The following FAM168A variants were observed in gnomAD, a reference collection of about 807,000 sequenced individuals.
FAM168A encodes the protein protein FAM168A.
A neutral mutation model predicts 28.5 loss-of-function variants in FAM168A; 3 were observed. The ratio of observed to expected loss-of-function variants is 0.11; its 90% confidence interval spans 0.05 to 0.27. The LOEUF (loss-of-function observed/expected upper bound fraction) is 0.27, where lower values mean the gene tolerates loss of function less well. Among genes scored for constraint, FAM168A ranks in the 10% least tolerant of loss-of-function variants. The pLI is 1.00. For synonymous variants in FAM168A, 122 were observed against 124.2 expected, an observed-to-expected ratio of 0.98 and a Z score of 0.12; for missense variants, 222 against 311.5, an observed-to-expected ratio of 0.71 and a Z score of 2.16.
At chr11:73,408,071 A>G (rs550715226) in intron 6 of FAM168A, among the ~76,000 whole-genome samples, 14 of 152,210 alleles carry the variant, frequency 9.2e-5, no homozygotes, top group Admixed American at 1.3e-4. Flanking sequence ...GGGTTTCACC[A>G]TGTTGGCCAG....
At chr11:73,483,830 GT>G (rs754549154) in intron 1 of FAM168A, among the ~76,000 whole-genome samples, 34 of 152,206 alleles carry the variant, frequency 2.2e-4, no homozygotes, top group Non-Finnish European at 4.3e-4. Flanking sequence ...GGAGATGATG[GT>G]TGCTGTGAAC....
At chr11:73,526,845 A>T (rs1267025901) in intron 1 of FAM168A, among the ~76,000 whole-genome samples, 1 of 133,090 alleles carries the variant, frequency 7.5e-6, no homozygotes, top group Non-Finnish European at 1.6e-5. Context: ...ACTCCAGCCT[A>T]GCGACAGAGC....
At chr11:73,494,151 T>G (rs1009162791) in intron 1 of FAM168A, among the ~76,000 whole-genome samples, 8 of 152,120 alleles carry the variant, frequency 5.3e-5, no homozygotes, top group African/African-American at 1.9e-4. Flanking sequence ...TACATGTACA[T>G]GTATGATTAA....
intron 2 of FAM168A, among the ~76,000 whole-genome samples, chr11:73,451,381 G>A (rs563092595): frequency 2.4e-4 from 36 of 152,302 alleles, no homozygotes; most frequent in South Asian, 1.7e-3. Context: ...AAAAGGCTTC[G>A]TTATTAGAGG....
chr11:73,408,451 T>G (rs1866548165), intron 6 of FAM168A, among the ~76,000 whole-genome samples: 1 of 152,166 alleles, frequency 6.6e-6, no homozygotes, highest in African/African-American at 2.4e-5. Flanking sequence ...TTGTACTTTC[T>G]TACCTCAGAT....
rs557925589 is a variant in FAM168A at position 73,448,007 on chromosome 11, T to C, written c.71-17237A>G. Among the ~76,000 whole-genome samples, 11 of 152,322 alleles carry C rather than the reference T, an allele frequency of 7.2e-5. No homozygotes were observed. The South Asian group carries it at 2.1e-3, about 29-fold the overall frequency. ...AGAGTTGAGATGATAATGCTAATAA[T>C]AAAATCCAGTATTATTACTTATGTG... On this transcript the variant is annotated intron_variant, in intron 2 of 7. Coordinates refer to ENST00000356467, the MANE Select transcript of FAM168A (RefSeq NM_015159.3).
At chr11:73,423,240 G>GTC (rs1317797476) in intron 3 of FAM168A, among the ~76,000 whole-genome samples, 3 of 152,038 alleles carry the variant, frequency 2.0e-5, no homozygotes, top group Non-Finnish European at 4.4e-5. Flanking sequence ...AGCTCTCATC[G>GTC]TCTCTCATCT....
chr11:73,508,836 T>G (rs1855165476), intron 1 of FAM168A, among the ~76,000 whole-genome samples: 1 of 152,304 alleles, frequency 6.6e-6, no homozygotes, highest in Admixed American at 6.5e-5. Context: ...CAGTGTAATA[T>G]GATCACCAAT....
At chr11:73,546,263 G>C (rs1031961265) in intron 1 of FAM168A, among the ~76,000 whole-genome samples, 2 of 152,212 alleles carry the variant, frequency 1.3e-5, no homozygotes, top group African/African-American at 4.8e-5. Flanking sequence ...AAGGGGCTAA[G>C]TCTGATTCCC....
intron 2 of FAM168A, among the ~76,000 whole-genome samples, chr11:73,454,860 C>G (rs1867499880): frequency 6.6e-6 from 1 of 152,192 alleles, no homozygotes; most frequent in South Asian, 2.1e-4. Context: ...CACTGAGAGC[C>G]ACTTTCATCG....
chr11:73,592,069 G>A (rs1944389217), intron 1 of FAM168A, among the ~76,000 whole-genome samples: 2 of 152,190 alleles, frequency 1.3e-5, no homozygotes, highest in African/African-American at 2.4e-5. Context: ...AAGCTTGAGC[G>A]ACATGATCAG....
At chr11:73,518,624 G>A (rs1038456860) in intron 1 of FAM168A, among the ~76,000 whole-genome samples, 5 of 152,038 alleles carry the variant, frequency 3.3e-5, no homozygotes, top group African/African-American at 4.8e-5. Context: ...TGGGCCAGGT[G>A]CAGTGGCTCA....
chr11:73,550,819 G>T (rs1038489526), intron 1 of FAM168A, among the ~76,000 whole-genome samples: 1 of 151,924 alleles, frequency 6.6e-6, no homozygotes. Flanking sequence ...AAAAAAAAAG[G>T]AGAATTTGGC....
intron 1 of FAM168A, among the ~76,000 whole-genome samples, chr11:73,587,166 A>AAAC (rs1944323480): frequency 6.7e-6 from 1 of 149,734 alleles, no homozygotes; most frequent in African/African-American, 2.4e-5. Flanking sequence ...AAAAAAAAAA[A>AAAC]AAAAAAAAAA....
At chr11:73,468,326 G>A (rs1484811977) in intron 2 of FAM168A, 79 bp downstream of exon 2, 9 of 1,367,700 alleles carry the variant, frequency 6.6e-6, no homozygotes, top group Middle Eastern at 1.9e-4. Flanking sequence ...GGAGGTATAC[G>A]TTAGGAGGAG....
At chr11:73,529,137 G>A (rs777989269) in intron 1 of FAM168A, among the ~76,000 whole-genome samples, 1 of 152,158 alleles carries the variant, frequency 6.6e-6, no homozygotes, top group Non-Finnish European at 1.5e-5. Context: ...CTGCTATTGT[G>A]CATTGTTGTT....
chr11:73,554,888 T>G (rs943171899), intron 1 of FAM168A, among the ~76,000 whole-genome samples: 2 of 152,124 alleles, frequency 1.3e-5, no homozygotes, highest in African/African-American at 4.8e-5. Context: ...GTGAAGAAGA[T>G]GGCAAGCTAA....
chr11:73,472,165 G>A (rs1170824562), intron 1 of FAM168A, among the ~76,000 whole-genome samples: 1 of 152,128 alleles, frequency 6.6e-6, no homozygotes, highest in East Asian at 1.9e-4. Flanking sequence ...GACCGCTCCT[G>A]TAAAGAAATC....
intron 1 of FAM168A, among the ~76,000 whole-genome samples, chr11:73,534,288 C>T (rs2134667791): frequency 6.6e-6 from 1 of 152,252 alleles, no homozygotes; most frequent in Middle Eastern, 3.4e-3. Context: ...AAAATGAATA[C>T]TAAGTCAGCA....
Sources: allele counts gnomAD v4.1 joint callset (sites outside exome capture counted in the v4.1 genomes callset), GRCh38; gene constraint gnomAD v4.1.1; transcripts MANE v1.5; gene names NCBI Gene and HGNC (gene_info 2026-07-23, HGNC 2026-07-21).